The following STK32B variants were observed in gnomAD, a reference collection of about 807,000 sequenced individuals.
STK32B encodes serine/threonine-protein kinase 32B.
Under a neutral mutation model 52.6 loss-of-function variants are expected in STK32B, and 43 were observed. The ratio of observed to expected loss-of-function variants is 0.82; its 90% CI spans 0.64 to 1.05. The LOEUF (loss-of-function observed/expected upper bound fraction) is 1.05, where lower values mean the gene tolerates loss of function less well. STK32B is among the 50% of genes least tolerant of loss of function. The probability of loss-of-function intolerance (pLI) is 0.00; values close to 1 mark genes in which losing one functional copy is unlikely to be tolerated. For synonymous variants in STK32B, 238 were observed against 204.3 expected, an observed-to-expected ratio of 1.17 and a Z score of -1.41; for missense variants, 621 against 534.6, an observed-to-expected ratio of 1.16 and a Z score of -1.59.
chr4:5,281,367 C>T (rs544525813), intron 3 of STK32B, among the ~76,000 whole-genome samples: 1 of 152,218 alleles, frequency 6.6e-6, no homozygotes, highest in African/African-American at 2.4e-5. Context: ...TGCATGTTCT[C>T]ACTCGTAAGT....
chr4:5,156,083 A>C (rs1717808300), intron 2 of STK32B, among the ~76,000 whole-genome samples: 1 of 151,810 alleles, frequency 6.6e-6, no homozygotes, highest in Admixed American at 6.6e-5. Flanking sequence ...ATACACATAC[A>C]TGTATATGCA....
At chr4:5,112,033 A>T (rs1244331756) in intron 1 of STK32B, among the ~76,000 whole-genome samples, 1 of 152,144 alleles carries the variant, frequency 6.6e-6, no homozygotes. Context: ...GAGACTTGGG[A>T]TATTGGCCCA....
chr4:5,033,441 C>CA, the STK32B span, among the ~76,000 whole-genome samples: 1 of 152,224 alleles, frequency 6.6e-6, no homozygotes, highest in Non-Finnish European at 1.5e-5. Flanking sequence ...GTAGCCAACA[C>CA]ACACCCCAGG....
At chr4:5,167,071 T>TA (rs1412923799) in intron 2 of STK32B, among the ~76,000 whole-genome samples, 1 of 152,184 alleles carries the variant, frequency 6.6e-6, no homozygotes, top group Non-Finnish European at 1.5e-5. Flanking sequence ...CGCCCTCCGT[T>TA]ACAGGATTCC....
At chr4:5,329,546 C>T (rs538517005) in intron 3 of STK32B, among the ~76,000 whole-genome samples, 26 of 152,278 alleles carry the variant, frequency 1.7e-4, no homozygotes, top group African/African-American at 5.3e-4. Flanking sequence ...TTCCCACACT[C>T]GCCTGCACCC....
At chr4:5,022,052 G>T in the STK32B span, among the ~76,000 whole-genome samples, 1 of 152,108 alleles carries the variant, frequency 6.6e-6, no homozygotes, top group South Asian at 2.1e-4. Context: ...CCTGTGCCGA[G>T]CCCAACACAC....
At chr4:5,349,070 A>G (rs1733659965) in intron 4 of STK32B, among the ~76,000 whole-genome samples, 1 of 141,202 alleles carries the variant, frequency 7.1e-6, no homozygotes, top group Non-Finnish European at 1.5e-5. Flanking sequence ...GTGACTACCC[A>G]TCATTCATGT....
Position 5,394,529 on chromosome 4 carries a change from C to T in STK32B, c.435-3678C>T, listed in dbSNP as rs139464137. 1.2e-3 allele frequency among the ~76,000 whole-genome samples: 182 copies of T among 152,328 alleles called. No individual in the cohort carries two copies. Among genetic ancestry groups the T allele is most frequent in the African/African-American group, 3.2e-3 (134 of 41,574 alleles). The stretch of plus-strand genomic sequence containing the variant: ...TGATTCAGATTCTCCATCTCCTCCA[C>T]GCTGCTTTGCAGGCATCTGCCCAGC... On this transcript the variant is annotated intron_variant, in intron 4 of 11. Transcript: ENST00000282908. This position sits in a 1 kb window ranked among gnomAD's most constrained non-coding sequence, Gnocchi z 4.2.
At chr4:5,158,090 C>A (rs1718010915) in intron 2 of STK32B, among the ~76,000 whole-genome samples, 1 of 152,190 alleles carries the variant, frequency 6.6e-6, no homozygotes, top group Non-Finnish European at 1.5e-5. Flanking sequence ...AATGCAGGCT[C>A]ACTCATGAAT....
At chr4:5,105,268 A>T (rs1420286555) in intron 1 of STK32B, among the ~76,000 whole-genome samples, 2 of 152,166 alleles carry the variant, frequency 1.3e-5, no homozygotes, top group East Asian at 3.9e-4. Flanking sequence ...CCAGAAGTTC[A>T]ATACTAGCCT....
intron 3 of STK32B, among the ~76,000 whole-genome samples, chr4:5,196,100 A>G (rs977380303): frequency 2.6e-4 from 39 of 152,276 alleles, no homozygotes; most frequent in African/African-American, 9.4e-4. Flanking sequence ...GCTTTAAACT[A>G]AGACTTTCTC....
chr4:5,372,721 G>GCGGGGGGA (rs1491213125), intron 4 of STK32B, among the ~76,000 whole-genome samples: 1 of 76,932 alleles, frequency 1.3e-5, no homozygotes, highest in African/African-American at 5.5e-5. Context: ...GGAGAAAGTT[G>GCGGGGGGA]GGGGGGGGGG....
At chr4:5,024,601 T>C in the STK32B span, among the ~76,000 whole-genome samples, 1 of 152,194 alleles carries the variant, frequency 6.6e-6, no homozygotes, top group Admixed American at 6.5e-5. Flanking sequence ...TCCTGAGCTT[T>C]GTGCTGGAAG....
chr4:5,272,169 A>C (rs915415582), intron 3 of STK32B, among the ~76,000 whole-genome samples: 4 of 142,956 alleles, frequency 2.8e-5, no homozygotes, highest in Non-Finnish European at 6.0e-5. Flanking sequence ...ATTATTTTGA[A>C]ATACATCCCA....
chr4:5,258,766 C>T (rs1726505805), intron 3 of STK32B, among the ~76,000 whole-genome samples: 1 of 152,188 alleles, frequency 6.6e-6, no homozygotes, highest in African/African-American at 2.4e-5. Flanking sequence ...TGTCCCTTTG[C>T]CCCTGTTAGT....
At chr4:5,322,031 G>A (rs1731534647) in intron 3 of STK32B, among the ~76,000 whole-genome samples, 2 of 122,806 alleles carry the variant, frequency 1.6e-5, no homozygotes, top group African/African-American at 3.8e-5. Context: ...AGTGGTGGGA[G>A]TGGGGGTGGG....
intron 2 of STK32B, among the ~76,000 whole-genome samples, chr4:5,154,813 A>T (rs1412420238): frequency 6.6e-6 from 1 of 152,168 alleles, no homozygotes; most frequent in Non-Finnish European, 1.5e-5. Flanking sequence ...AGGCTCAGTA[A>T]GTGCTGGCTT....
chr4:5,096,370 G>A (rs116622482), intron 1 of STK32B, among the ~76,000 whole-genome samples: 3,980 of 152,286 alleles, frequency 0.026, 80 homozygotes, highest in Non-Finnish European at 0.041. Context: ...TAACGGTGCA[G>A]GAGCCAGCAC....
intron 4 of STK32B, among the ~76,000 whole-genome samples, chr4:5,389,862 C>T (rs2109034521): frequency 6.6e-6 from 1 of 152,310 alleles, no homozygotes; most frequent in South Asian, 2.1e-4. Context: ...TCCAGGTGGG[C>T]CCAATGGAAT....
Sources: allele counts gnomAD v4.1 joint callset (sites outside exome capture counted in the v4.1 genomes callset), GRCh38; gene constraint gnomAD v4.1.1; non-coding constraint Gnocchi (gnomAD v3.1); transcripts MANE v1.5; gene names NCBI Gene and HGNC (gene_info 2026-07-23, HGNC 2026-07-21).